Variants in PATL1 observed in about 807,000 individuals in gnomAD.
The protein encoded by PATL1 is protein PAT1 homolog 1.
A neutral mutation model predicts 100.6 loss-of-function variants in PATL1; 32 were observed. The ratio of observed to expected loss-of-function variants is 0.32; its 90% CI spans 0.24 to 0.43. The LOEUF (loss-of-function observed/expected upper bound fraction) is 0.43, where lower values mean the gene tolerates loss of function less well. Ranked by LOEUF, PATL1 falls within the 20% of genes least tolerant of loss-of-function variation. The pLI is 1.00. For synonymous variants in PATL1, 332 were observed against 330.0 expected, an observed-to-expected ratio of 1.01 and a Z score of -0.07; for missense variants, 747 against 949.9, an observed-to-expected ratio of 0.79 and a Z score of 2.81.
In PATL1 at chr11:59,660,860, A is replaced by AG. The variant is rs1861616491; in HGVS notation, c.128-1392_128-1391insC. ...ATGTCTGCTATTACTGCACACTACT[A>AG]TAAAGTCTGTAGCACTGACATTAAG... is the stretch of plus-strand genomic sequence containing the variant. On this transcript the variant is annotated intron_variant, in intron 2 of 18. Transcript: ENST00000300146. Among the ~76,000 whole-genome samples the AG allele has an allele frequency of 7.9e-5, 12 of 152,198 alleles. No individual in the cohort carries two copies. The South Asian group carries it at 2.5e-3, about 32-fold the overall frequency.
intron 4 of PATL1, 66 bp downstream of exon 4, chr11:59,658,800 G>A (rs560848874): frequency 4.8e-5 from 60 of 1,241,550 alleles, no homozygotes; most frequent in Non-Finnish European, 6.4e-5. Context: ...GTAAGGAAAG[G>A]ATGACGACAG....
At chr11:59,666,807 A>G in intron 2 of PATL1, 46 bp downstream of exon 2, 1 of 1,523,740 alleles carries the variant, frequency 6.6e-7, no homozygotes. Context: ...GCACTTGAAA[A>G]GAGCAGGAGG....
Position 59,659,577 on chromosome 11 carries a change from G to C in PATL1, c.128-108C>G. 3.8e-6 allele frequency: 4 copies of C among 1,055,324 alleles called. No homozygotes were observed. The South Asian group carries it at 6.6e-5, about 17-fold the overall frequency. The allele number at this position is 1,055,324 out of a possible 1,614,324, so 65.4% of individuals were successfully genotyped here. On this transcript the variant is annotated intron_variant, in intron 2 of 18. Coordinates refer to ENST00000300146, the MANE Select transcript of PATL1 (RefSeq NM_152716.3). Reference sequence around the variant, plus strand: ...GACAGAGTCTCACTCTGTCGCCCAGGCTGCAGTGCAGTGGCGTGATCTCGG... The same window carrying C: ...GACAGAGTCTCACTCTGTCGCCCAGCCTGCAGTGCAGTGGCGTGATCTCGG...
At position 59,663,789 on chromosome 11, in the gene PATL1, G is replaced by A. The variant is rs188292324; in HGVS notation, c.127+3064C>T. Among the ~76,000 whole-genome samples the A allele has an allele frequency of 7.7e-4, 117 of 152,106 alleles. 1 individual carries two copies. The highest frequency in any genetic ancestry group is 2.7e-3 in the African/African-American group (110 of 41,500). On this transcript the variant is annotated intron_variant, in intron 2 of 18. Coordinates refer to ENST00000300146, the MANE Select transcript of PATL1 (RefSeq NM_152716.3). ...GTGACCTAAAATGTCTACTGTAATAGCAGGTATTATTCCAGATGCCCGCTA... is the reference window on the plus strand; with the variant it reads ...GTGACCTAAAATGTCTACTGTAATAACAGGTATTATTCCAGATGCCCGCTA...
chr11:59,655,137 C>G (rs941467317), intron 8 of PATL1, among the ~76,000 whole-genome samples: 1 of 152,218 alleles, frequency 6.6e-6, no homozygotes, highest in Non-Finnish European at 1.5e-5. Flanking sequence ...CATTCTTGCT[C>G]TCTTTCCTCT....
At chr11:59,649,385 G>C in intron 14 of PATL1, 77 bp downstream of exon 14, 1 of 1,517,248 alleles carries the variant, frequency 6.6e-7, no homozygotes, top group Non-Finnish European at 8.9e-7. Flanking sequence ...GTACCTAAAA[G>C]GCAAAAATGT....
intron 9 of PATL1, among the ~76,000 whole-genome samples, chr11:59,653,502 A>C (rs1861476329): frequency 6.6e-6 from 1 of 152,240 alleles, no homozygotes; most frequent in Admixed American, 6.5e-5. Flanking sequence ...ACTATCATAA[A>C]TATCCATTTA....
chr11:59,659,552 G>A (rs1861599266), intron 2 of PATL1, 83 bp from the exon 3 acceptor site: 2 of 1,162,088 alleles, frequency 1.7e-6, no homozygotes, highest in Non-Finnish European at 1.2e-6. Context: ...TTTTTTTTTA[G>A]ACAGAGTCTC....
intron 9 of PATL1, 125 bp from the exon 10 acceptor site, chr11:59,653,143 G>A: frequency 6.2e-6 from 5 of 812,538 alleles, no homozygotes; most frequent in South Asian, 2.0e-5. Flanking sequence ...TTCTTAAAAG[G>A]GGAGTGAAAA....
intron 13 of PATL1, 28 bp from the exon 14 acceptor site, chr11:59,649,638 A>G (rs1861413188): frequency 1.2e-6 from 2 of 1,605,078 alleles, no homozygotes; most frequent in Non-Finnish European, 1.7e-6. Context: ...AGCAGGCCAC[A>G]GCATGCTAGG....
chr11:59,649,563 G>C lies in PATL1; in HGVS notation c.1632C>G (p.Leu544=), dbSNP rs1294834437. 1.2e-6 allele frequency: 2 copies of C among 1,613,410 alleles called. No homozygotes were observed. Among genetic ancestry groups the C allele is most frequent in the Admixed American group, 1.7e-5 (1 of 59,916 alleles). The change falls in exon 14 of 19, where the codon CTC becomes CTG. Residue 544 remains leucine, a synonymous_variant. Transcript: ENST00000300146. ...LDVEDYERRY[L]LSLEEERPAL... is the part of the protein sequence containing the mutation. ...CAGGTCGCTCTTCTTCCAGACTTAG[G>C]AGATAACGTCTTTCATAGTCCTCCA...
Position 59,659,407 on chromosome 11 carries a change from C to A in PATL1, c.190G>T (p.Val64Phe). Residue 64 changes from valine to phenylalanine, a missense_variant, in exon 3 of 19, where the codon GTT (valine) becomes TTT (phenylalanine). By Grantham distance (50) the Val-to-Phe change is conservative. Transcript: ENST00000300146. ...TCTCCATTGCCTGTTTGTTCATTAA[C>A]TGCCACTGGTAGCTTTTCTTCCAAT... ...AELEEKLPVA[V>F]NEQTGNGERD... 1 of 1,551,422 alleles carries A rather than the reference C, an allele frequency of 6.4e-7. No homozygotes were observed. Among genetic ancestry groups the A allele is most frequent in the African/African-American group, 1.4e-5 (1 of 73,174 alleles).
At chr11:59,649,790 T>C (rs1035428139) in intron 13 of PATL1, among the ~76,000 whole-genome samples, 180 bp from the exon 14 acceptor site, 1 of 152,102 alleles carries the variant, frequency 6.6e-6, no homozygotes, top group Non-Finnish European at 1.5e-5. Context: ...CAAACCACCA[T>C]TCTTTGTCTC....
At chr11:59,656,669 CCTCAAGTA>C (rs1861540365) in intron 5 of PATL1, 69 bp from the exon 6 acceptor site, 1 of 1,327,150 alleles carries the variant, frequency 7.5e-7, no homozygotes, top group Non-Finnish European at 1.1e-6. Context: ...CACTCCCTCC[CCTCAAGTA>C]CTGGTAGAGA....
rs781467285 is a variant in PATL1, at chr11:59,666,828, A to G, written c.127+25T>C. ...GAAAAGAGCAGGAGGCTAAGATGATATTATAAGCGAAAGATGTCACTTACC... is the reference window on the plus strand; with the variant it reads ...GAAAAGAGCAGGAGGCTAAGATGATGTTATAAGCGAAAGATGTCACTTACC... On this transcript the variant is annotated intron_variant, in intron 2 of 18. Coordinates refer to ENST00000300146, the MANE Select transcript of PATL1 (RefSeq NM_152716.3). The G allele has an allele frequency of 5.2e-6, 8 of 1,544,964 alleles. No homozygotes were observed. The South Asian group carries it at 8.4e-5, about 16-fold the overall frequency.
intron 16 of PATL1, 37 bp downstream of exon 16, chr11:59,642,842 AT>A: frequency 6.4e-7 from 1 of 1,569,576 alleles, no homozygotes; most frequent in Non-Finnish European, 8.7e-7. Context: ...AAATTAAGAC[AT>A]TTCACAAAGT....
chr11:59,655,846 G>T, intron 7 of PATL1, 106 bp from the exon 8 acceptor site: 1 of 1,389,978 alleles, frequency 7.2e-7, no homozygotes, highest in Non-Finnish European at 9.9e-7. Context: ...GTTTGAAAAA[G>T]TAAAGGCAAA....
chr11:59,655,442 T>C (rs1454542325), intron 8 of PATL1, 81 bp downstream of exon 8: 3 of 1,244,850 alleles, frequency 2.4e-6, no homozygotes, highest in African/African-American at 3.1e-5. Context: ...TTAGCAAATA[T>C]CAAGAGACTT....
chr11:59,667,420 C>CT (rs1368024811), intron 1 of PATL1, among the ~76,000 whole-genome samples: 1 of 152,146 alleles, frequency 6.6e-6, no homozygotes, highest in African/African-American at 2.4e-5. Flanking sequence ...CGTTTTAAAG[C>CT]TTTGTCTTCA....
Sources: gnomAD v4.1 joint callset for allele counts (sites outside exome capture counted in the v4.1 genomes callset) on GRCh38, gnomAD v4.1.1 for gene constraint, MANE v1.5 for transcripts, NCBI Gene and HGNC (gene_info 2026-07-23, HGNC 2026-07-21) for gene names.